Variants in ERC2 observed in about 807,000 individuals in gnomAD.
ERC2 encodes ERC protein 2.
ERC2 carries 42 observed loss-of-function variants against 114.8 expected under a neutral mutation model. That is an observed-to-expected ratio of 0.37 (90% CI 0.29 to 0.47). ERC2 has a LOEUF of 0.47. ERC2 is among the 20% of genes least tolerant of loss of function. The pLI is 0.99. For synonymous variants in ERC2, 454 were observed against 425.5 expected, an observed-to-expected ratio of 1.07 and a Z score of -0.82; for missense variants, 939 against 1,150.7, an observed-to-expected ratio of 0.82 and a Z score of 2.66.
chr3:56,446,594 A>G (rs72875352), intron 1 of ERC2, among the ~76,000 whole-genome samples: 5,155 of 149,766 alleles, frequency 0.034, 205 homozygotes, highest in African/African-American at 0.094. Flanking sequence ...GGAAGTCAAT[A>G]GAGGGCGCAT....
chr3:55,745,447 G>A (rs1255628364), intron 14 of ERC2, among the ~76,000 whole-genome samples: 1 of 152,148 alleles, frequency 6.6e-6, no homozygotes, highest in Non-Finnish European at 1.5e-5. Flanking sequence ...GTAAATCTAG[G>A]AAGCAGGGAG....
chr3:56,447,926 A>G (rs890295390), intron 1 of ERC2, among the ~76,000 whole-genome samples: 2 of 151,986 alleles, frequency 1.3e-5, no homozygotes, highest in East Asian at 3.9e-4. Context: ...TATTTTTAGT[A>G]CAGATGGGGC....
intron 2 of ERC2, among the ~76,000 whole-genome samples, chr3:56,324,704 T>G (rs980486819): frequency 6.6e-6 from 1 of 152,134 alleles, no homozygotes; most frequent in South Asian, 2.1e-4. Flanking sequence ...AAGGCCCAGA[T>G]GAGCCACAGA....
At chr3:55,713,129 T>TCCCACA (rs1491444178) in intron 15 of ERC2, among the ~76,000 whole-genome samples, 1 of 74,620 alleles carries the variant, frequency 1.3e-5, no homozygotes. Flanking sequence ...TCTCTCTCTG[T>TCCCACA]CTCACACACA....
chr3:56,404,740 A>G (rs539886158), intron 2 of ERC2, among the ~76,000 whole-genome samples: 1 of 152,264 alleles, frequency 6.6e-6, no homozygotes, highest in Non-Finnish European at 1.5e-5. Flanking sequence ...AAAAAAAGAT[A>G]TGCAAGACAA....
At chr3:56,448,604 T>C (rs149992715) in intron 1 of ERC2, among the ~76,000 whole-genome samples, 5 of 152,290 alleles carry the variant, frequency 3.3e-5, no homozygotes, top group Admixed American at 6.5e-5. Flanking sequence ...GCTCCAGCTA[T>C]ACCAGGGGTC....
chr3:56,193,545 G>A (rs577645896), intron 3 of ERC2, among the ~76,000 whole-genome samples: 15 of 151,898 alleles, frequency 9.9e-5, no homozygotes, highest in East Asian at 1.9e-4. Context: ...GAAATTAGTT[G>A]TAGGCAAGAT....
intron 17 of ERC2, among the ~76,000 whole-genome samples, chr3:55,524,424 C>G (rs1020765037): frequency 2.0e-5 from 3 of 152,126 alleles, no homozygotes; most frequent in African/African-American, 7.2e-5. Context: ...TGGCAGCCAG[C>G]CACGTTGGCA....
intron 5 of ERC2, among the ~76,000 whole-genome samples, chr3:56,142,078 A>G (rs2080887090): frequency 6.6e-6 from 1 of 152,140 alleles, no homozygotes; most frequent in East Asian, 1.9e-4. Flanking sequence ...TTCTTTTTCC[A>G]AAGAACATTA....
chr3:55,540,234 G>A (rs2054305170), intron 17 of ERC2, among the ~76,000 whole-genome samples: 1 of 152,222 alleles, frequency 6.6e-6, no homozygotes, highest in South Asian at 2.1e-4. Context: ...GTGCCATTCT[G>A]TGACATCTTT....
chr3:55,666,026 T>G (rs2061344050), intron 17 of ERC2, among the ~76,000 whole-genome samples: 1 of 152,112 alleles, frequency 6.6e-6, no homozygotes, highest in Non-Finnish European at 1.5e-5. Context: ...GGACAACTGA[T>G]TAGCATCTAT....
At chr3:55,811,296 C>A (rs920716207) in intron 14 of ERC2, among the ~76,000 whole-genome samples, 23 of 152,186 alleles carry the variant, frequency 1.5e-4, no homozygotes, top group African/African-American at 5.5e-4. Context: ...CAAACGCAAC[C>A]TTGACATTAA....
chr3:56,334,665 T>C (rs1217635497), intron 2 of ERC2, among the ~76,000 whole-genome samples: 1 of 152,204 alleles, frequency 6.6e-6, no homozygotes, highest in African/African-American at 2.4e-5. Flanking sequence ...ATAAACTTAC[T>C]TATCAGAAGA....
At chr3:56,289,603 G>A (rs897414853) in intron 3 of ERC2, among the ~76,000 whole-genome samples, 12 of 152,220 alleles carry the variant, frequency 7.9e-5, no homozygotes, top group East Asian at 5.8e-4. Flanking sequence ...CAAACTCACC[G>A]TGCCTCAAAC....
chr3:55,540,147 T>G (rs2054298644), intron 17 of ERC2, among the ~76,000 whole-genome samples: 3 of 152,164 alleles, frequency 2.0e-5, no homozygotes, highest in African/African-American at 7.2e-5. Context: ...GGATTAAACC[T>G]CATTTATGCC....
At chr3:56,257,818 G>C (rs559708408) in intron 3 of ERC2, among the ~76,000 whole-genome samples, 1 of 152,172 alleles carries the variant, frequency 6.6e-6, no homozygotes, top group African/African-American at 2.4e-5. Context: ...CAGCATGTTA[G>C]TAATTACAGA....
chr3:56,194,847 T>G (rs950177988), intron 3 of ERC2, among the ~76,000 whole-genome samples: 1 of 151,336 alleles, frequency 6.6e-6, no homozygotes, highest in African/African-American at 2.4e-5. Flanking sequence ...CTAATCCCAC[T>G]GTGAGAGATA....
intron 7 of ERC2, among the ~76,000 whole-genome samples, chr3:56,049,437 T>C (rs2075649670): frequency 6.6e-6 from 1 of 152,194 alleles, no homozygotes; most frequent in Non-Finnish European, 1.5e-5. Context: ...AGGTTAATAC[T>C]GAGTGTCAAC....
chr3:56,283,129 C>G (rs766665506), intron 3 of ERC2, among the ~76,000 whole-genome samples: 1 of 152,198 alleles, frequency 6.6e-6, no homozygotes, highest in Non-Finnish European at 1.5e-5. Context: ...GAGGTTTGTG[C>G]CTGGCAGGTT....
Sources: allele counts gnomAD v4.1 joint callset (sites outside exome capture counted in the v4.1 genomes callset), GRCh38; gene constraint gnomAD v4.1.1; transcripts MANE v1.5; gene names NCBI Gene and HGNC (gene_info 2026-07-23, HGNC 2026-07-21).